The following PRRC2C variants were observed in gnomAD, a reference collection of about 807,000 sequenced individuals.
PRRC2C encodes protein PRRC2C.
Under a neutral mutation model 317.2 loss-of-function variants are expected in PRRC2C, and 72 were observed. The observed-to-expected ratio is 0.23, with a 90% CI of 0.19 to 0.28. PRRC2C has a LOEUF of 0.28. Among genes scored for constraint, PRRC2C ranks in the 10% least tolerant of loss-of-function variants. The probability of loss-of-function intolerance (pLI) is 1.00; values close to 1 mark genes in which losing one functional copy is unlikely to be tolerated. For missense variants in PRRC2C, 3,074 were observed against 3,459.7 expected (o/e 0.89, Z 2.80); for synonymous variants, 1,296 against 1,205.9 (o/e 1.07, Z -1.55).
intron 21 of PRRC2C, 76 bp from the exon 22 acceptor site, chr1:171,566,516 A>G: frequency 1.4e-6 from 2 of 1,480,902 alleles, no homozygotes; most frequent in Admixed American, 2.6e-5. Flanking sequence ...TTTAATGAAT[A>G]TCTTTGATCA....
At chr1:171,591,326 A>G (rs779039750) in intron 34 of PRRC2C, 3 of 759,196 alleles carry the variant, frequency 4.0e-6, no homozygotes, top group Non-Finnish European at 5.3e-6. Context: ...AATAAAATTT[A>G]ATATGAGAGG....
intron 17 of PRRC2C, among the ~76,000 whole-genome samples, chr1:171,549,371 G>A (rs547373711): frequency 6.6e-6 from 1 of 152,244 alleles, no homozygotes; most frequent in South Asian, 2.1e-4. Context: ...AGAAATAATA[G>A]TAACAGCCAC....
At chr1:171,586,266 T>G (rs1453334360) in intron 30 of PRRC2C, among the ~76,000 whole-genome samples, 1 of 150,466 alleles carries the variant, frequency 6.6e-6, no homozygotes, top group Non-Finnish European at 1.5e-5. Context: ...TTTATTTTTT[T>G]TTTTAGTAGA....
At position 171,541,181 on chromosome 1, in the gene PRRC2C, A is replaced by G. The variant is rs971764511; in HGVS notation, c.3715A>G (p.Arg1239Gly). The G allele has an allele frequency of 1.5e-5, 25 of 1,612,924 alleles. No homozygotes were observed. The highest frequency in any genetic ancestry group is 2.0e-5 in the Non-Finnish European group (24 of 1,179,608). Residue 1239 changes from arginine (R) to glycine (G), a missense_variant, in exon 16 of 35, where the codon AGA (arginine) becomes GGA (glycine). Physicochemically the swap from Arg to Gly is moderately radical, Grantham distance 125 (BLOSUM62 -2). Coordinates refer to ENST00000647382, the MANE Select transcript of PRRC2C (RefSeq NM_001387844.1). This position sits in a 1 kb window ranked among gnomAD's most constrained non-coding sequence, Gnocchi z 4.1. ...RAEHIPSGPL[R>G]QREESETRSE... ...AGAGCATATACCCTCAGGGCCTCTC[A>G]GACAGCGAGAAGAAAGTGAAACACG...
chr1:171,559,945 A>G (rs999945191), intron 19 of PRRC2C, among the ~76,000 whole-genome samples: 2 of 152,182 alleles, frequency 1.3e-5, no homozygotes, highest in East Asian at 1.9e-4. Context: ...TGTGATGAAG[A>G]TATACAGGAA....
chr1:171,587,580 AC>A (rs1650338191), intron 31 of PRRC2C, 67 bp from the exon 32 acceptor site: 1 of 1,080,408 alleles, frequency 9.3e-7, no homozygotes, highest in African/African-American at 1.6e-5. Flanking sequence ...CACGTATAGG[AC>A]ATGTAAACAC....
At chr1:171,551,596 T>A (rs1276382708) in intron 18 of PRRC2C, among the ~76,000 whole-genome samples, 1 of 152,206 alleles carries the variant, frequency 6.6e-6, no homozygotes, top group African/African-American at 2.4e-5. Context: ...TCGTTTTAGG[T>A]CTAACATTTA....
At chr1:171,517,048 A>G (rs749548369) in intron 5 of PRRC2C, among the ~76,000 whole-genome samples, 42 of 152,366 alleles carry the variant, frequency 2.8e-4, no homozygotes, top group Admixed American at 2.0e-3. Context: ...TGGGCTATCC[A>G]GGAGACTGGT....
rs772374177 is a variant in PRRC2C at position 171,579,944 on chromosome 1, C to T, written c.7389C>T (p.Ser2463=). The T allele has an allele frequency of 6.4e-6, 10 of 1,567,324 alleles. No homozygotes were observed. The highest frequency in any genetic ancestry group is 1.7e-4 in the Middle Eastern group (1 of 5,878). The part of the protein sequence containing the change: ...PAVSQAQELF[S]SSLQPYRSQP... The stretch of plus-strand genomic sequence containing the variant: ...TTTCCCAGGCTCAGGAATTGTTCAG[C>T]TCCTCACTTCAACCATATAGGTAAA... Residue 2463 remains serine, a synonymous_variant, in exon 28 of 35, where the codon AGC becomes AGT. Coordinates refer to ENST00000647382, the MANE Select transcript of PRRC2C (RefSeq NM_001387844.1).
Position 171,535,444 on chromosome 1 carries a change from C to A in PRRC2C, c.1890C>A (p.Phe630Leu), listed in dbSNP as rs763926686. Residue 630 changes from phenylalanine (F) to leucine (L), a missense_variant, in exon 13 of 35, where the codon TTC becomes TTA. Transcript: ENST00000647382. ...TTTGAGCAGAGGAGGAACCCGTTTTCACTAGACAAGACAGCAATCGCAGTG... is the reference window on the plus strand; with the variant it reads ...TTTGAGCAGAGGAGGAACCCGTTTTAACTAGACAAGACAGCAATCGCAGTG... ...NSCNKEEEPV[F>L]TRQDSNRSEK... 1.2e-6 allele frequency: 2 copies of A among 1,613,050 alleles called. No individual in the cohort carries two copies. The highest frequency in any genetic ancestry group is 1.7e-6 in the Non-Finnish European group (2 of 1,179,652).
rs754098344 is a variant in PRRC2C, at chr1:171,540,436, A to T, written c.2970A>T (p.Lys990Asn). Residue 990 changes from lysine (K) to asparagine (N), a missense_variant, in exon 16 of 35, where the codon AAA becomes AAT. Physicochemically the swap from Lys to Asn is moderately conservative, Grantham distance 94 (BLOSUM62 0). This residue lies in a region of PRRC2C where 1,320 missense variants were observed against 1,395.7 expected (regional missense o/e 0.95). Transcript: ENST00000647382. ...AACCTGAAAAAGTATATAAATCTAAATCAGAAACTCGTTGGGGCCCACGAC... is the reference window on the plus strand; with the variant it reads ...AACCTGAAAAAGTATATAAATCTAATTCAGAAACTCGTTGGGGCCCACGAC... ...GPKPEKVYKS[K>N]SETRWGPRPS... The T allele has an allele frequency of 1.9e-6, 3 of 1,613,024 alleles. No homozygotes were observed. Among genetic ancestry groups the T allele is most frequent in the Non-Finnish European group, 2.5e-6 (3 of 1,179,472 alleles).
intron 10 of PRRC2C, among the ~76,000 whole-genome samples, chr1:171,526,324 A>G (rs776221215): frequency 7.9e-5 from 12 of 152,190 alleles, no homozygotes; most frequent in Non-Finnish European, 1.3e-4. Flanking sequence ...GAATTCCAGA[A>G]CAGCTAGACT....
intron 33 of PRRC2C, among the ~76,000 whole-genome samples, 169 bp from the exon 34 acceptor site, chr1:171,589,200 G>C (rs553618569): frequency 1.3e-5 from 2 of 151,184 alleles, no homozygotes; most frequent in South Asian, 4.2e-4. Flanking sequence ...AGCATGGCCT[G>C]TTTATTCCTT....
chr1:171,587,493 G>GT (rs1650308406), intron 31 of PRRC2C, among the ~76,000 whole-genome samples, 155 bp from the exon 32 acceptor site: 3 of 152,186 alleles, frequency 2.0e-5, no homozygotes, highest in Non-Finnish European at 2.9e-5. Flanking sequence ...TGTTTGGTCA[G>GT]GTAATTCCAT....
chr1:171,522,278 T>G lies in PRRC2C; in HGVS notation c.833+19T>G. On this transcript the variant is annotated intron_variant, in intron 7 of 34. Transcript: ENST00000647382. ...CAAACAAGTAAGGCTATTAAATGAT[T>G]AAAGTCTGTAAGGAATATATGCTTG... The G allele has an allele frequency of 1.3e-6, 2 of 1,484,656 alleles. No homozygotes were observed. Among genetic ancestry groups the G allele is most frequent in the South Asian group, 1.1e-5 (1 of 87,318 alleles). The allele number at this position is 1,484,656 out of a possible 1,614,324, so 92.0% of individuals were successfully genotyped here. A position where few individuals can be genotyped will look rare whatever the true frequency, so the allele number is the denominator to read the frequency against.
chr1:171,551,221 A>G (rs922475511), intron 18 of PRRC2C, among the ~76,000 whole-genome samples: 18 of 152,254 alleles, frequency 1.2e-4, no homozygotes, highest in Admixed American at 7.2e-4. Flanking sequence ...ACCAGTGATG[A>G]TGATCATTTT....
chr1:171,548,771 T>TC (rs1231357427), intron 17 of PRRC2C, among the ~76,000 whole-genome samples: 1 of 152,242 alleles, frequency 6.6e-6, no homozygotes, highest in Non-Finnish European at 1.5e-5. Context: ...GAGTTGTTCA[T>TC]CACCTAGATG....
chr1:171,541,333 C>G lies in PRRC2C; in HGVS notation c.3867C>G (p.Pro1289=), dbSNP rs1235542421. Residue 1289 remains proline, a synonymous_variant, in exon 16 of 35, where the codon CCC becomes CCG. Coordinates refer to ENST00000647382, the MANE Select transcript of PRRC2C (RefSeq NM_001387844.1). This position sits in a 1 kb window ranked among gnomAD's most constrained non-coding sequence, Gnocchi z 4.1. ...ACAGTTTAAGTAAAGGCAAACTTCC[C>G]AAAAGAGAGGAACGGCCTGAAAACA... is the stretch of plus-strand genomic sequence containing the variant. The part of the protein sequence containing the change: ...DKDSLSKGKL[P]KREERPENKK... The G allele has an allele frequency of 6.2e-7, 1 of 1,613,138 alleles. No individual in the cohort carries two copies. The highest frequency in any genetic ancestry group is 8.5e-7 in the Non-Finnish European group (1 of 1,179,692).
At chr1:171,490,493 T>G (rs1666930945) in intron 1 of PRRC2C, among the ~76,000 whole-genome samples, 1 of 152,226 alleles carries the variant, frequency 6.6e-6, no homozygotes, top group Non-Finnish European at 1.5e-5. Context: ...TGAATTAGTC[T>G]TAACTACATA....
Sources: gnomAD v4.1 joint callset for allele counts (sites outside exome capture counted in the v4.1 genomes callset) on GRCh38, gnomAD v4.1.1 for gene constraint, gnomAD v4.1.1 regional missense constraint, Gnocchi (gnomAD v3.1) non-coding constraint, MANE v1.5 for transcripts, NCBI Gene and HGNC (gene_info 2026-07-23, HGNC 2026-07-21) for gene names.